Variants in HNMT observed in about 807,000 individuals in gnomAD.
The protein encoded by HNMT is histamine N-methyltransferase.
HNMT carries 30 observed loss-of-function variants against 32.1 expected under a neutral mutation model. The ratio of observed to expected loss-of-function variants is 0.93; its 90% CI spans 0.70 to 1.27. The LOEUF (loss-of-function observed/expected upper bound fraction) is 1.27. Among genes scored for constraint, HNMT ranks in the 50% most tolerant of loss-of-function variants. The pLI, the probability that HNMT is intolerant of heterozygous loss-of-function variation, is 0.00. For synonymous variants in HNMT, 125 were observed against 119.0 expected, an observed-to-expected ratio of 1.05 and a Z score of -0.33; for missense variants, 327 against 346.0, an observed-to-expected ratio of 0.95 and a Z score of 0.43.
Position 138,014,370 on chromosome 2 carries a change from C to A in HNMT, c.*240C>A. The A allele has an allele frequency of 2.7e-6, 1 of 376,944 alleles. No homozygotes were observed. The highest frequency in any genetic ancestry group is 4.8e-6 in the Non-Finnish European group (1 of 210,352). The allele number at this position is 376,944 out of a possible 1,614,324, so 23.3% of individuals were successfully genotyped here. The stretch of plus-strand genomic sequence containing the variant: ...ACAAGCAGGCTCAACATAACATAAG[C>A]TAGAAAAATTAGATGACTGAATTTC... On this transcript the variant is annotated 3_prime_UTR_variant, in exon 6 of 6. Transcript: ENST00000280097.
intron 2 of HNMT, among the ~76,000 whole-genome samples, chr2:137,983,848 C>G (rs1396025027): frequency 6.6e-6 from 1 of 152,122 alleles, no homozygotes; most frequent in African/African-American, 2.4e-5. Context: ...TATAACCTGC[C>G]CTTAGGCAGA....
chr2:137,986,976 TA>T (rs1680669520), intron 2 of HNMT, among the ~76,000 whole-genome samples: 1 of 152,228 alleles, frequency 6.6e-6, no homozygotes, highest in Non-Finnish European at 1.5e-5. Context: ...GAAAAATCAT[TA>T]ATTTGCCTTG....
At chr2:138,010,383 GA>G (rs1681458399) in intron 5 of HNMT, among the ~76,000 whole-genome samples, 1 of 150,094 alleles carries the variant, frequency 6.7e-6, no homozygotes, top group Non-Finnish European at 1.5e-5. Context: ...GGAAGTTCTG[GA>G]TATTTGCAGA....
chr2:137,990,182 C>T (rs1349870376), intron 2 of HNMT, among the ~76,000 whole-genome samples: 1 of 152,116 alleles, frequency 6.6e-6, no homozygotes, highest in East Asian at 1.9e-4. Flanking sequence ...TCTAGGTTTT[C>T]CTCTGTGTTA....
intron 4 of HNMT, chr2:138,002,795 G>A: frequency 1.0e-6 from 1 of 973,698 alleles, no homozygotes; most frequent in Admixed American, 6.2e-5. Flanking sequence ...ATTTGAGAAT[G>A]ATAGCATCAT....
chr2:138,006,421 C>T (rs1460651325), intron 5 of HNMT, among the ~76,000 whole-genome samples: 1 of 151,934 alleles, frequency 6.6e-6, no homozygotes, highest in East Asian at 1.9e-4. Flanking sequence ...TATTTCATCT[C>T]AATAGTAGGT....
At chr2:137,973,824 G>A (rs1348129424) in intron 2 of HNMT, among the ~76,000 whole-genome samples, 3 of 152,058 alleles carry the variant, frequency 2.0e-5, no homozygotes, top group Non-Finnish European at 2.9e-5. Flanking sequence ...CATGAGCAGG[G>A]AGGGGATGCA....
At chr2:137,975,310 G>T (rs889989980) in intron 2 of HNMT, among the ~76,000 whole-genome samples, 8 of 152,130 alleles carry the variant, frequency 5.3e-5, no homozygotes, top group African/African-American at 1.4e-4. Flanking sequence ...GGAGGGTAGG[G>T]AGTAAGGTAA....
rs1299256193 is a variant in HNMT at position 138,014,431 on chromosome 2, T to C, written c.*301T>C. 8.1e-6 allele frequency: 2 copies of C among 248,178 alleles called. No individual in the cohort carries two copies. Among genetic ancestry groups the C allele is most frequent in the Non-Finnish European group, 1.6e-5 (2 of 128,368 alleles). 15.4% of individuals were successfully genotyped at this position (248,178 alleles called of 1,614,324 possible). ...TGATAATAAAATTCATTCCATTTGC[T>C]GATTGTCTGAAATTTTCTAGAATAC... On this transcript the variant is annotated 3_prime_UTR_variant, in exon 6 of 6. Transcript: ENST00000280097.
intron 2 of HNMT, among the ~76,000 whole-genome samples, chr2:137,986,255 T>C (rs1220214271): frequency 6.7e-6 from 1 of 150,054 alleles, no homozygotes; most frequent in Non-Finnish European, 1.5e-5. Flanking sequence ...ATATATAATA[T>C]AAATACAATT....
At chr2:137,969,418 T>C (rs1422636185) in intron 1 of HNMT, among the ~76,000 whole-genome samples, 1 of 152,194 alleles carries the variant, frequency 6.6e-6, no homozygotes, top group East Asian at 1.9e-4. Context: ...GCTGAATTCG[T>C]ATTTATTTTT....
chr2:138,003,515 G>A (rs1222490096), intron 4 of HNMT, among the ~76,000 whole-genome samples: 1 of 152,166 alleles, frequency 6.6e-6, no homozygotes, highest in African/African-American at 2.4e-5. Context: ...CTATGTCTCT[G>A]CTTCTTTAGC....
rs1204871147 is a variant in HNMT at position 138,014,950 on chromosome 2, T to C, written c.*820T>C. ...AACAAACTGTTTCCCCTCAAAATAA[T>C]AGCCAGATGTATAAACAAAATTTAT... On this transcript the variant is annotated 3_prime_UTR_variant, in exon 6 of 6. Transcript: ENST00000280097. 2 of 152,014 alleles carry C rather than the reference T, an allele frequency of 1.3e-5. No homozygotes were observed. The highest frequency in any genetic ancestry group is 2.9e-5 in the Non-Finnish European group (2 of 67,974). 9.4% of individuals were successfully genotyped at this position (152,014 alleles called of 1,614,324 possible). A position where few individuals can be genotyped will look rare whatever the true frequency, so the allele number is the denominator to read the frequency against.
chr2:137,989,575 G>A (rs1018820052), intron 2 of HNMT, among the ~76,000 whole-genome samples: 1 of 152,140 alleles, frequency 6.6e-6, no homozygotes, highest in Non-Finnish European at 1.5e-5. Flanking sequence ...GCAGATTTTT[G>A]TGTGACTGTA....
At chr2:137,995,636 A>G (rs1680968294) in intron 2 of HNMT, among the ~76,000 whole-genome samples, 1 of 152,186 alleles carries the variant, frequency 6.6e-6, no homozygotes, top group Non-Finnish European at 1.5e-5. Context: ...AAATGATTGA[A>G]AAGGTGGGAC....
At chr2:137,976,138 C>T (rs1353946131) in intron 2 of HNMT, among the ~76,000 whole-genome samples, 1 of 151,990 alleles carries the variant, frequency 6.6e-6, no homozygotes, top group African/African-American at 2.4e-5. Context: ...TGGTGGCACA[C>T]ACCTGCAATC....
intron 2 of HNMT, among the ~76,000 whole-genome samples, chr2:137,984,302 T>C (rs1680587611): frequency 6.6e-6 from 1 of 152,198 alleles, no homozygotes; most frequent in South Asian, 2.1e-4. Flanking sequence ...TTAGTCCCCA[T>C]AGTGGCTGCT....
rs541372998 is a variant in HNMT, at chr2:137,964,771, G to GCTGCC, written c.137+154_137+158dup. The GCTGCC allele has an allele frequency of 5.2e-4, 396 of 763,224 alleles. 4 individuals are homozygous for GCTGCC. The South Asian group carries it at 6.4e-3, about 12-fold the overall frequency. 47.3% of individuals were successfully genotyped at this position (763,224 alleles called of 1,614,324 possible). On this transcript the variant is annotated intron_variant, in intron 1 of 5. Transcript: ENST00000280097. ...AGCAGCTCCCCGTCGTCCCCTCCTC[G>GCTGCC]CTGCCCTGCCCTGCCTTTCTCCTGC... is the stretch of plus-strand genomic sequence containing the variant.
intron 5 of HNMT, among the ~76,000 whole-genome samples, chr2:138,008,607 C>T (rs77172832): frequency 0.031 from 4,747 of 151,926 alleles, 244 homozygotes; most frequent in African/African-American, 0.11. Flanking sequence ...AATAGAGAGA[C>T]CAGAAATAAG....
Sources: allele counts gnomAD v4.1 joint callset (sites outside exome capture counted in the v4.1 genomes callset), GRCh38; gene constraint gnomAD v4.1.1; transcripts MANE v1.5; gene names NCBI Gene and HGNC (gene_info 2026-07-23, HGNC 2026-07-21).